Variants in SNTG1 observed in about 807,000 individuals in gnomAD.
SNTG1 encodes syntrophin gamma 1, also known as gamma-1-syntrophin.
SNTG1 carries 39 observed loss-of-function variants against 74.7 expected under a neutral mutation model. The ratio of observed to expected loss-of-function variants is 0.52; its 90% CI spans 0.40 to 0.68. The LOEUF is 0.68. Among genes scored for constraint, SNTG1 ranks in the 30% least tolerant of loss-of-function variants. SNTG1 has a pLI of 0.00. For synonymous variants in SNTG1, 254 were observed against 217.1 expected (o/e 1.17, Z -1.49); for missense variants, 685 against 609.5 (o/e 1.12, Z -1.30).
intron 2 of SNTG1, among the ~76,000 whole-genome samples, chr8:50,372,111 A>C (rs1334050803): frequency 1.3e-5 from 2 of 148,284 alleles, no homozygotes; most frequent in Non-Finnish European, 3.0e-5. Flanking sequence ...TTATTTCTCA[A>C]CTCTTTTCAT....
At chr8:50,616,063 C>A (rs940042148) in intron 13 of SNTG1, among the ~76,000 whole-genome samples, 2 of 152,198 alleles carry the variant, frequency 1.3e-5, no homozygotes, top group Admixed American at 6.5e-5. Flanking sequence ...CTCTTACAAC[C>A]TTTATGTGGT....
At chr8:50,242,842 T>C (rs1456277430) in intron 2 of SNTG1, among the ~76,000 whole-genome samples, 1 of 151,316 alleles carries the variant, frequency 6.6e-6, no homozygotes, top group Non-Finnish European at 1.5e-5. Flanking sequence ...ATAGAAAATA[T>C]AAGCACATAT....
At chr8:50,040,470 G>T (rs1171686264) in intron 1 of SNTG1, among the ~76,000 whole-genome samples, 6 of 151,990 alleles carry the variant, frequency 3.9e-5, no homozygotes, top group African/African-American at 1.5e-4. Context: ...TTTGTTAGTG[G>T]CCACTTGGAA....
intron 4 of SNTG1, among the ~76,000 whole-genome samples, chr8:50,424,441 T>A (rs1423311021): frequency 5.9e-5 from 9 of 152,176 alleles, no homozygotes; most frequent in Non-Finnish European, 1.3e-4. Flanking sequence ...TCCACTATCA[T>A]TTTTATACCA....
chr8:50,632,986 T>C (rs1776810479), intron 13 of SNTG1, among the ~76,000 whole-genome samples: 1 of 152,168 alleles, frequency 6.6e-6, no homozygotes. Context: ...CTATAACAAT[T>C]TGTCAGTGCG....
intron 2 of SNTG1, among the ~76,000 whole-genome samples, chr8:50,201,690 G>A (rs1409461700): frequency 6.6e-6 from 1 of 152,080 alleles, no homozygotes; most frequent in African/African-American, 2.4e-5. Context: ...AGCTCTTGAT[G>A]TGCTTTTCTT....
chr8:49,920,769 A>G (rs1003986424), intron 1 of SNTG1, among the ~76,000 whole-genome samples: 1 of 152,062 alleles, frequency 6.6e-6, no homozygotes, highest in Non-Finnish European at 1.5e-5. Context: ...GGTGGACCAG[A>G]GTTGATTCTA....
intron 9 of SNTG1, among the ~76,000 whole-genome samples, chr8:50,528,088 T>C (rs1004520916): frequency 1.3e-5 from 2 of 152,026 alleles, no homozygotes; most frequent in Non-Finnish European, 2.9e-5. Context: ...TATCTGCAAA[T>C]AAGGTTTTGC....
chr8:50,103,955 T>C (rs368133180), intron 1 of SNTG1, among the ~76,000 whole-genome samples: 3 of 152,116 alleles, frequency 2.0e-5, no homozygotes, highest in Non-Finnish European at 4.4e-5. Context: ...CTGCTGGATT[T>C]GGTTTGCCAG....
chr8:50,352,523 T>A (rs2091693844), intron 2 of SNTG1, among the ~76,000 whole-genome samples: 1 of 152,006 alleles, frequency 6.6e-6, no homozygotes, highest in South Asian at 2.1e-4. Context: ...CCCAAGTAGA[T>A]CAGATTACAG....
intron 2 of SNTG1, among the ~76,000 whole-genome samples, chr8:50,317,116 C>T (rs1256983968): frequency 2.6e-5 from 4 of 151,962 alleles, no homozygotes; most frequent in African/African-American, 9.7e-5. Flanking sequence ...TGGTAGATTC[C>T]TTAGGGGGAT....
chr8:49,918,979 G>A (rs2450286), intron 1 of SNTG1, among the ~76,000 whole-genome samples: 123,597 of 152,096 alleles, frequency 0.81, 52,852 homozygotes, highest in Non-Finnish European at 0.94. Context: ...TGATTAAAGT[G>A]TTCAAATACT....
chr8:49,950,983 C>T (rs980128048), intron 1 of SNTG1, among the ~76,000 whole-genome samples: 6 of 152,094 alleles, frequency 3.9e-5, no homozygotes, highest in Admixed American at 1.3e-4. Context: ...ATCTGCTGTC[C>T]GAACAATACC....
chr8:50,658,215 G>A (rs192258558), intron 14 of SNTG1, among the ~76,000 whole-genome samples: 2 of 151,824 alleles, frequency 1.3e-5, no homozygotes, highest in East Asian at 3.9e-4. Context: ...AAAAAATATA[G>A]CTGTGTTGAG....
At chr8:50,154,012 A>G (rs1245183609) in intron 1 of SNTG1, among the ~76,000 whole-genome samples, 1 of 152,170 alleles carries the variant, frequency 6.6e-6, no homozygotes, top group Non-Finnish European at 1.5e-5. Flanking sequence ...TGGAGTCTAC[A>G]GAGGCATGCA....
intron 2 of SNTG1, among the ~76,000 whole-genome samples, chr8:50,321,350 T>C (rs1458175036): frequency 6.6e-6 from 1 of 152,102 alleles, no homozygotes; most frequent in African/African-American, 2.4e-5. Context: ...GTGTAGCAAC[T>C]CCTCCTCTTT....
chr8:50,712,170 G>A (rs187795357), intron 17 of SNTG1, among the ~76,000 whole-genome samples: 28 of 152,170 alleles, frequency 1.8e-4, no homozygotes, highest in Non-Finnish European at 3.5e-4. Flanking sequence ...CTTCACAGAC[G>A]TTTCCTTGAA....
intron 1 of SNTG1, among the ~76,000 whole-genome samples, chr8:49,954,599 T>C (rs1228820517): frequency 6.6e-6 from 1 of 152,192 alleles, no homozygotes; most frequent in Admixed American, 6.5e-5. Flanking sequence ...TTTGTATTTC[T>C]AAATTGTCAT....
chr8:50,564,189 C>T (rs1195575985), intron 12 of SNTG1, among the ~76,000 whole-genome samples: 2 of 151,672 alleles, frequency 1.3e-5, no homozygotes. Flanking sequence ...CCAAGACTTT[C>T]CTTGTCCTGG....
Sources: gnomAD v4.1 joint callset for allele counts (sites outside exome capture counted in the v4.1 genomes callset) on GRCh38, gnomAD v4.1.1 for gene constraint, MANE v1.5 for transcripts, NCBI Gene and HGNC (gene_info 2026-07-23, HGNC 2026-07-21) for gene names.